Variants in REXO1 observed in about 807,000 individuals in gnomAD.
The protein encoded by REXO1 is RNA exonuclease 1 homolog.
A neutral mutation model predicts 102.6 loss-of-function variants in REXO1; 42 were observed. The ratio of observed to expected loss-of-function variants is 0.41; its 90% CI spans 0.32 to 0.53. The LOEUF (loss-of-function observed/expected upper bound fraction) is 0.53, where lower values mean the gene tolerates loss of function less well. Ranked by LOEUF, REXO1 falls within the 20% of genes least tolerant of loss-of-function variation. The pLI is 0.27. For missense variants in REXO1, 1,819 were observed against 1,732.5 expected, an observed-to-expected ratio of 1.05 and a Z score of -0.89; for synonymous variants, 908 against 779.1, an observed-to-expected ratio of 1.17 and a Z score of -2.76.
At chr19:1,846,517 G>A (rs920075927) in intron 1 of REXO1, among the ~76,000 whole-genome samples, 7 of 152,210 alleles carry the variant, frequency 4.6e-5, no homozygotes, top group African/African-American at 1.7e-4. Flanking sequence ...CAGACAGGAA[G>A]ACGACATCAC....
chr19:1,839,865 C>T lies in REXO1; in HGVS notation c.157+8337G>A, dbSNP rs555499059. Among the ~76,000 whole-genome samples, 8 of 152,358 alleles carry T rather than the reference C, an allele frequency of 5.3e-5. 1 individual carries two copies. Among genetic ancestry groups the T allele is most frequent in the African/African-American group, 9.6e-5 (4 of 41,598 alleles). ...GAGCCCTCACCTCACTCCACCTCCT[C>T]GGCCGTGGTGCACGGGGCGGTGGCC... On this transcript the variant is annotated intron_variant, in intron 1 of 15. Coordinates refer to ENST00000170168, the MANE Select transcript of REXO1 (RefSeq NM_020695.4).
chr19:1,821,534 G>A lies in REXO1; in HGVS notation c.2379C>T (p.His793=). The change falls in exon 5 of 16, where the codon CAC becomes CAT. Residue 793 remains histidine, a synonymous_variant. Transcript: ENST00000170168. ...GAGGGGCTACCTGTAAGGATGGACT[G>A]TGGGCGATTCGCTTAGGGATGATGG... ...TTTIIPKRIA[H]SPSLQSLKKP... is the part of the protein sequence containing the mutation. The A allele has an allele frequency of 1.2e-6, 2 of 1,613,858 alleles. No homozygotes were observed. Among genetic ancestry groups the A allele is most frequent in the Non-Finnish European group, 1.7e-6 (2 of 1,179,866 alleles).
At chr19:1,838,788 T>C (rs995032859) in intron 1 of REXO1, among the ~76,000 whole-genome samples, 2 of 151,844 alleles carry the variant, frequency 1.3e-5, no homozygotes, top group African/African-American at 4.8e-5. Context: ...ACCTTGGCTG[T>C]GAGCCACTTT....
chr19:1,840,341 G>A (rs1208998856), intron 1 of REXO1, among the ~76,000 whole-genome samples: 2 of 152,176 alleles, frequency 1.3e-5, no homozygotes, highest in Admixed American at 6.5e-5. Context: ...CGACTCTCCA[G>A]ACATGAGTCT....
chr19:1,838,923 C>A (rs1387409225), intron 1 of REXO1, among the ~76,000 whole-genome samples: 1 of 151,912 alleles, frequency 6.6e-6, no homozygotes, highest in Non-Finnish European at 1.5e-5. Context: ...TCGAGACCAG[C>A]CTGGGCAACA....
intron 1 of REXO1, among the ~76,000 whole-genome samples, chr19:1,844,436 G>A (rs1189698045): frequency 2.6e-5 from 4 of 152,208 alleles, no homozygotes; most frequent in Admixed American, 6.5e-5. Flanking sequence ...TGCCTGACCC[G>A]ACTCTGCTAG....
chr19:1,815,766 A>G lies in REXO1; in HGVS notation c.*300T>C. 1 of 1,430,012 alleles carries G rather than the reference A, an allele frequency of 7.0e-7. No individual in the cohort carries two copies. Among genetic ancestry groups the G allele is most frequent in the Non-Finnish European group, 9.2e-7 (1 of 1,087,180 alleles). 88.6% of individuals were successfully genotyped at this position (1,430,012 alleles called of 1,614,324 possible). A position where few individuals can be genotyped will look rare whatever the true frequency, so the allele number is the denominator to read the frequency against. On this transcript the variant is annotated 3_prime_UTR_variant, in exon 16 of 16. Transcript: ENST00000170168. This position sits in a 1 kb window ranked among gnomAD's most constrained non-coding sequence, Gnocchi z 4.0. ...CACCCGGGAGGGAGGGCCTGGCAGG[A>G]GGGGCAGGAGGGGCTGCGGGCCGGG... is the stretch of plus-strand genomic sequence containing the variant.
At position 1,816,953 on chromosome 19, in the gene REXO1, G is replaced by A. The variant is rs2069384626; in HGVS notation, c.3202-140C>T. ...CTGTGGGACTTCTAGGAGAGGCCGA[G>A]TGGGGTGTGACCTCAGTAACCCCCT... On this transcript the variant is annotated intron_variant, in intron 12 of 15. Transcript: ENST00000170168. 5.4e-6 allele frequency: 4 copies of A among 743,056 alleles called. No individual in the cohort carries two copies. The East Asian group carries it at 1.1e-4, about 20-fold the overall frequency. The allele number at this position is 743,056 out of a possible 1,614,324, so 46.0% of individuals were successfully genotyped here.
intron 1 of REXO1, among the ~76,000 whole-genome samples, chr19:1,830,236 C>T (rs958566227): frequency 7.2e-5 from 11 of 152,226 alleles, no homozygotes; most frequent in Non-Finnish European, 1.2e-4. Context: ...CGGCCAGGCA[C>T]AGTGGCTCAC....
Position 1,827,131 on chromosome 19 carries a change from T to A in REXO1, c.1658A>T (p.Asp553Val). Residue 553 changes from aspartate (D) to valine (V), a missense_variant, in exon 2 of 16, where the codon GAC (aspartate) becomes GTC (valine). By Grantham distance (152) the Asp-to-Val change is radical. Coordinates refer to ENST00000170168, the MANE Select transcript of REXO1 (RefSeq NM_020695.4). ...CGGGAAGCCCAGGCTGGAGTCTGAG[T>A]CGGAGTCTGAGTCCGAGCTGAGGCT... Reference protein sequence around the residue: ...LPSLSSDSDSDSDSSLGFPEA... With the variant: ...LPSLSSDSDSVSDSSLGFPEA... 1 of 1,541,508 alleles carries A rather than the reference T, an allele frequency of 6.5e-7. No homozygotes were observed. The highest frequency in any genetic ancestry group is 2.4e-5 in the East Asian group (1 of 40,820).
rs756182172 is a variant in REXO1 at position 1,826,858 on chromosome 19, C to G, written c.1911+20G>C. On this transcript the variant is annotated intron_variant, in intron 2 of 15. Coordinates refer to ENST00000170168, the MANE Select transcript of REXO1 (RefSeq NM_020695.4). The surrounding 1 kb of genome is among the most constrained non-coding windows in gnomAD (Gnocchi z 4.3). ...GCTCTGCCTCTGCCCGAGCCCAGCC[C>G]CAGCACCCGCGCGCCTCACCTGCCG... The G allele has an allele frequency of 6.4e-7, 1 of 1,560,790 alleles. No individual in the cohort carries two copies. The highest frequency in any genetic ancestry group is 1.2e-5 in the South Asian group (1 of 85,166).
In REXO1 at chr19:1,816,249, G is replaced by A. The variant is rs2069358942; in HGVS notation, c.3553C>T (p.Leu1185Phe). 6.3e-7 allele frequency: 1 copy of A among 1,589,422 alleles called. No individual in the cohort carries two copies. The highest frequency in any genetic ancestry group is 8.6e-7 in the Non-Finnish European group (1 of 1,168,098). ...CCATTGTCCTGGATGATCTGTCTGA[G>A]GTAGTCGGCCATGAGGTTCCGCAGG... is the stretch of plus-strand genomic sequence containing the variant. ...RSLRNLMADY[L>F]RQIIQDNVDG... is the part of the protein sequence containing the mutation. Residue 1185 changes from leucine to phenylalanine, a missense_variant, in exon 15 of 16, where the codon CTC (leucine) becomes TTC (phenylalanine). By Grantham distance (22) the Leu-to-Phe change is conservative. Coordinates refer to ENST00000170168, the MANE Select transcript of REXO1 (RefSeq NM_020695.4).
chr19:1,823,458 C>T lies in REXO1; in HGVS notation c.2230+114G>A, dbSNP rs1159546351. On this transcript the variant is annotated intron_variant, in intron 4 of 15. Coordinates refer to ENST00000170168, the MANE Select transcript of REXO1 (RefSeq NM_020695.4). Reference sequence around the variant, plus strand: ...GGGCCCCAGGGAGGGGGCCCAAAGTCATCCCATGAGCAAGCACCATGTGGT... The same window carrying T: ...GGGCCCCAGGGAGGGGGCCCAAAGTTATCCCATGAGCAAGCACCATGTGGT... 5 of 742,336 alleles carry T rather than the reference C, an allele frequency of 6.7e-6. No homozygotes were observed. The African/African-American group carries it at 7.3e-5, about 11-fold the overall frequency. 46.0% of individuals were successfully genotyped at this position (742,336 alleles called of 1,614,324 possible).
chr19:1,817,578 C>A, intron 11 of REXO1, 129 bp downstream of exon 11: 2 of 1,444,170 alleles, frequency 1.4e-6, no homozygotes, highest in Non-Finnish European at 1.9e-6. Flanking sequence ...CTGGGTAACA[C>A]AAGAAAGGCT....
In REXO1 at chr19:1,848,341, G is replaced by A. The variant is rs2011657192; in HGVS notation, c.18C>T (p.Gly6=). 1.1e-5 allele frequency: 14 copies of A among 1,224,152 alleles called. No homozygotes were observed. Among genetic ancestry groups the A allele is most frequent in the East Asian group, 6.7e-5 (2 of 30,010 alleles). 75.8% of individuals were successfully genotyped at this position (1,224,152 alleles called of 1,614,324 possible). Reference sequence around the variant, plus strand: ...AGGGGCAGTCAATGGCCCGGAAGAAGCCAGTGGAGCGTAGCATGGTCCGTC... The same window carrying A: ...AGGGGCAGTCAATGGCCCGGAAGAAACCAGTGGAGCGTAGCATGGTCCGTC... The part of the protein sequence containing the change: MLRST[G]FFRAIDCPYW... Residue 6 remains glycine (G), a synonymous_variant, in exon 1 of 16, where the codon GGC becomes GGT. Transcript: ENST00000170168.
At position 1,818,936 on chromosome 19, in the gene REXO1, C is replaced by T. The variant is rs1261603848; in HGVS notation, c.2764+82G>A. On this transcript the variant is annotated intron_variant, in intron 8 of 15. Transcript: ENST00000170168. ...AGGCGGCTGGGCCGGCAGGGGCCCACGAAGCACCGTGTGGCACAGCAGGGG... is the reference window on the plus strand; with the variant it reads ...AGGCGGCTGGGCCGGCAGGGGCCCATGAAGCACCGTGTGGCACAGCAGGGG... The T allele has an allele frequency of 1.5e-5, 24 of 1,570,054 alleles. No homozygotes were observed. The Middle Eastern group carries it at 5.4e-4, about 36-fold the overall frequency.
intron 1 of REXO1, among the ~76,000 whole-genome samples, chr19:1,840,974 C>G (rs955443154): frequency 6.6e-6 from 1 of 152,242 alleles, no homozygotes; most frequent in Non-Finnish European, 1.5e-5. Flanking sequence ...CCCAGAACCC[C>G]GGGCTCCAGG....
chr19:1,815,919 G>A lies in REXO1; in HGVS notation c.*147C>T, dbSNP rs952994837. The A allele has an allele frequency of 1.2e-5, 18 of 1,534,446 alleles. No individual in the cohort carries two copies. The highest frequency in any genetic ancestry group is 9.8e-5 in the East Asian group (4 of 40,864). On this transcript the variant is annotated 3_prime_UTR_variant, in exon 16 of 16. Transcript: ENST00000170168. This position sits in a 1 kb window ranked among gnomAD's most constrained non-coding sequence, Gnocchi z 4.0. ...TGAGCGGGGGTGGGCTGGGCTGGGCGTTCTCTGGCCGCCAGCTCATCCCGC... is the reference window on the plus strand; with the variant it reads ...TGAGCGGGGGTGGGCTGGGCTGGGCATTCTCTGGCCGCCAGCTCATCCCGC...
intron 5 of REXO1, among the ~76,000 whole-genome samples, chr19:1,821,067 G>T (rs534940781): frequency 6.6e-6 from 1 of 151,944 alleles, no homozygotes; most frequent in Admixed American, 6.5e-5. Flanking sequence ...CGCCAGGGCG[G>T]TCGGGCATGG....
Sources: gnomAD v4.1 joint callset for allele counts (sites outside exome capture counted in the v4.1 genomes callset) on GRCh38, gnomAD v4.1.1 for gene constraint, Gnocchi (gnomAD v3.1) non-coding constraint, MANE v1.5 for transcripts, NCBI Gene and HGNC (gene_info 2026-07-23, HGNC 2026-07-21) for gene names.